Variants in CLSTN1 observed in about 807,000 individuals in gnomAD.
CLSTN1 encodes calsyntenin-1.
Under a neutral mutation model 108.3 loss-of-function variants are expected in CLSTN1, and 28 were observed. That is an observed-to-expected ratio of 0.26 (90% CI 0.19 to 0.35). The LOEUF (loss-of-function observed/expected upper bound fraction) is 0.35. CLSTN1 is among the 10% of genes least tolerant of loss of function. The probability of loss-of-function intolerance (pLI) is 1.00; values close to 1 mark genes in which losing one functional copy is unlikely to be tolerated. For synonymous variants in CLSTN1, 524 were observed against 534.9 expected (o/e 0.98, Z 0.28); for missense variants, 1,157 against 1,302.6 (o/e 0.89, Z 1.72).
At chr1:9,789,703 G>A (rs1221068262) in intron 1 of CLSTN1, among the ~76,000 whole-genome samples, 4 of 151,644 alleles carry the variant, frequency 2.6e-5, no homozygotes, top group Non-Finnish European at 4.4e-5. Context: ...AATAAGCTGG[G>A]AGAGGTGGCT....
intron 1 of CLSTN1, among the ~76,000 whole-genome samples, chr1:9,780,243 A>G (rs1653180312): frequency 6.6e-6 from 1 of 152,190 alleles, no homozygotes; most frequent in Non-Finnish European, 1.5e-5. Context: ...TCATACTTTA[A>G]GGTTTTATTA....
intron 9 of CLSTN1, 96 bp downstream of exon 9, chr1:9,743,788 G>T (rs1570442976): frequency 6.9e-7 from 1 of 1,442,460 alleles, no homozygotes; most frequent in African/African-American, 1.4e-5. Flanking sequence ...GAACCCCTGG[G>T]CTCAAGCAAT....
chr1:9,781,446 CTTT>C (rs766133785), intron 1 of CLSTN1, among the ~76,000 whole-genome samples: 1 of 143,812 alleles, frequency 7.0e-6, no homozygotes, highest in Admixed American at 7.0e-5. Context: ...ACATCTTATT[CTTT>C]TTTTTTTTTT....
At chr1:9,748,549 G>A (rs1025443584) in intron 7 of CLSTN1, among the ~76,000 whole-genome samples, 4 of 152,168 alleles carry the variant, frequency 2.6e-5, no homozygotes, top group East Asian at 3.8e-4. Flanking sequence ...ATGCAGCGGC[G>A]TGATCTTGGC....
At chr1:9,799,823 CCT>C (rs1468056444) in intron 1 of CLSTN1, among the ~76,000 whole-genome samples, 5 of 151,678 alleles carry the variant, frequency 3.3e-5, no homozygotes, top group African/African-American at 1.2e-4. Context: ...TGCCTGTAGT[CCT>C]AGCTGCTTGG....
chr1:9,817,252 G>GA (rs1374811429), intron 1 of CLSTN1, among the ~76,000 whole-genome samples: 4 of 152,126 alleles, frequency 2.6e-5, no homozygotes, highest in Non-Finnish European at 5.9e-5. Context: ...AAGTAAAAAA[G>GA]AAAAAACATG....
chr1:9,738,409 G>C (rs75007846), intron 10 of CLSTN1, among the ~76,000 whole-genome samples: 2,407 of 152,292 alleles, frequency 0.016, 113 homozygotes, highest in South Asian at 0.11. Flanking sequence ...GGCTGCGGCT[G>C]TGCGGGGCTG....
chr1:9,755,220 A>T lies in CLSTN1; in HGVS notation c.334T>A (p.Ser112Thr), dbSNP rs1342569243. Residue 112 changes from serine to threonine, a missense_variant, in exon 4 of 19, where the codon TCC becomes ACC. Ser to Thr is a moderately conservative substitution (Grantham distance 58, BLOSUM62 1). Coordinates refer to ENST00000377298, the MANE Select transcript of CLSTN1 (RefSeq NM_001009566.3). ...AGCTCACAGTCCAGTTTCTCTTTGG[A>T]GCGAATGACTCCCTCACCAGTGGAT... Reference protein sequence around the residue: ...DKSTGEGVIRSKEKLDCELQK... With the variant: ...DKSTGEGVIRTKEKLDCELQK... The T allele has an allele frequency of 1.9e-6, 3 of 1,614,078 alleles. No individual in the cohort carries two copies. The highest frequency in any genetic ancestry group is 1.7e-5 in the Admixed American group (1 of 60,012).
chr1:9,768,823 TTC>T (rs1652509062), intron 2 of CLSTN1, among the ~76,000 whole-genome samples: 2 of 118,050 alleles, frequency 1.7e-5, no homozygotes, highest in African/African-American at 3.1e-5. Flanking sequence ...GGGGGCGGGG[TTC>T]TGTGTTGGGT....
At chr1:9,746,275 G>A (rs1651264113) in intron 7 of CLSTN1, among the ~76,000 whole-genome samples, 1 of 152,186 alleles carries the variant, frequency 6.6e-6, no homozygotes, top group South Asian at 2.1e-4. Flanking sequence ...CCATTCTTAT[G>A]TATTGCCATG....
At chr1:9,822,384 C>T (rs146634483) in intron 1 of CLSTN1, among the ~76,000 whole-genome samples, 1 of 152,168 alleles carries the variant, frequency 6.6e-6, no homozygotes, top group South Asian at 2.1e-4. Flanking sequence ...ACAAAAGATG[C>T]ATTTGCCGCC....
At chr1:9,733,618 G>A (rs976414338) in intron 15 of CLSTN1, 72 bp from the exon 16 acceptor site, 1 of 1,573,884 alleles carries the variant, frequency 6.4e-7, no homozygotes, top group African/African-American at 1.3e-5. Flanking sequence ...GCAGCCGTCA[G>A]CACAGGCAGG....
chr1:9,814,994 C>T (rs1654914296), intron 1 of CLSTN1, among the ~76,000 whole-genome samples: 1 of 152,206 alleles, frequency 6.6e-6, no homozygotes, highest in African/African-American at 2.4e-5. Flanking sequence ...TTAAGCCCTG[C>T]TCCTGGAACC....
intron 2 of CLSTN1, among the ~76,000 whole-genome samples, chr1:9,764,684 A>T (rs1570466048): frequency 7.2e-6 from 1 of 138,428 alleles, no homozygotes; most frequent in South Asian, 2.5e-4. Flanking sequence ...TGAGGTTTGG[A>T]GGGGACAAAC....
chr1:9,738,512 C>T (rs1650808222), intron 10 of CLSTN1, among the ~76,000 whole-genome samples: 2 of 152,244 alleles, frequency 1.3e-5, no homozygotes, highest in South Asian at 4.1e-4. Context: ...TCCCCCACAA[C>T]ACGCTGGTAG....
At chr1:9,757,561 T>C (rs1651880201) in intron 2 of CLSTN1, among the ~76,000 whole-genome samples, 1 of 152,174 alleles carries the variant, frequency 6.6e-6, no homozygotes, top group African/African-American at 2.4e-5. Context: ...TTTTAACCCT[T>C]TGTTCTTGAA....
chr1:9,808,781 C>G (rs1419884111), intron 1 of CLSTN1, among the ~76,000 whole-genome samples: 2 of 152,076 alleles, frequency 1.3e-5, no homozygotes, highest in Non-Finnish European at 2.9e-5. Flanking sequence ...TGCTCAGATG[C>G]CAGGGTTCCA....
At position 9,745,380 on chromosome 1, in the gene CLSTN1, G is replaced by A. The variant is rs148095280; in HGVS notation, c.986-737C>T. Among the ~76,000 whole-genome samples the A allele has an allele frequency of 4.3e-3, 659 of 152,264 alleles. 12 individuals carry two copies. Among genetic ancestry groups the A allele is most frequent in the East Asian group, 0.043 (221 of 5,178 alleles). Reference sequence around the variant, plus strand: ...TCTTAGAAAAATGGAGTCCTGGCAGGGCTTGGTGGCTCACACCTGTAATCC... The same window carrying A: ...TCTTAGAAAAATGGAGTCCTGGCAGAGCTTGGTGGCTCACACCTGTAATCC... On this transcript the variant is annotated intron_variant, in intron 7 of 18. Transcript: ENST00000377298.
intron 8 of CLSTN1, 27 bp from the exon 9 acceptor site, chr1:9,744,032 T>C (rs199653180): frequency 3.2e-5 from 51 of 1,605,990 alleles, no homozygotes; most frequent in Admixed American, 1.7e-4. Flanking sequence ...TATGGGTAAA[T>C]TGCCAACTAA....
Sources: allele counts gnomAD v4.1 joint callset (sites outside exome capture counted in the v4.1 genomes callset), GRCh38; gene constraint gnomAD v4.1.1; transcripts MANE v1.5; gene names NCBI Gene and HGNC (gene_info 2026-07-23, HGNC 2026-07-21).